SHANK2: variants seen among roughly 807,000 people sequenced by gnomAD.
SHANK2 encodes the protein SH3 and multiple ankyrin repeat domains protein 2.
In SHANK2, 43 loss-of-function variants were observed where a neutral mutation model predicts 133.7. That is an observed-to-expected ratio of 0.32 (90% CI 0.25 to 0.41). SHANK2 has a LOEUF of 0.41. Among genes scored for constraint, SHANK2 ranks in the 10% least tolerant of loss-of-function variants. The pLI is 1.00. For missense variants in SHANK2, 1,994 were observed against 2,235.8 expected, an observed-to-expected ratio of 0.89 and a Z score of 2.18; for synonymous variants, 1,017 against 952.8, an observed-to-expected ratio of 1.07 and a Z score of -1.24.
At chr11:71,158,013 C>A (rs1482018194) in intron 2 of SHANK2, among the ~76,000 whole-genome samples, 6 of 152,168 alleles carry the variant, frequency 3.9e-5, no homozygotes, top group Non-Finnish European at 5.9e-5. Flanking sequence ...ACACAAACCA[C>A]CCCTAGTCAT....
At chr11:70,719,203 C>A (rs1248649828) in intron 14 of SHANK2, among the ~76,000 whole-genome samples, 2 of 152,192 alleles carry the variant, frequency 1.3e-5, no homozygotes, top group East Asian at 1.9e-4. Flanking sequence ...AGCCCACCCA[C>A]GTTGGAATAG....
rs150717750 is a variant in SHANK2, at chr11:70,867,746, T to G, written c.1174+28755A>C. On this transcript the variant is annotated intron_variant, in intron 11 of 25. Coordinates refer to ENST00000601538, the MANE Select transcript of SHANK2 (RefSeq NM_012309.5). The stretch of plus-strand genomic sequence containing the variant: ...CAGAGTCATTATTCTGTGACAATAT[T>G]CCACTGCTGACCTTTATTGCCTAGG... Among the ~76,000 whole-genome samples the G allele has an allele frequency of 1.3e-3, 204 of 152,336 alleles. 4 individuals carry two copies. Among genetic ancestry groups the G allele is most frequent in the African/African-American group, 4.8e-3 (199 of 41,574 alleles).
intron 2 of SHANK2, among the ~76,000 whole-genome samples, chr11:71,192,879 G>A (rs1033578693): frequency 1.2e-4 from 18 of 152,200 alleles, no homozygotes; most frequent in African/African-American, 2.7e-4. Flanking sequence ...CGCAGGCAGG[G>A]TGCTTGAGGA....
At chr11:70,723,098 A>T (rs1419664101) in intron 14 of SHANK2, among the ~76,000 whole-genome samples, 1 of 152,002 alleles carries the variant, frequency 6.6e-6, no homozygotes, top group Non-Finnish European at 1.5e-5. Context: ...TGGTAGACAA[A>T]CTCATAAGGT....
In SHANK2 at chr11:70,486,126, G is replaced by GAATGGC. The variant is rs756656381; in HGVS notation, c.4161_4166dup (p.Leu1387_Pro1388dup). Reference sequence around the variant, plus strand: ...ATGCCAGAGGGGGAGGAGGGATGCGGAATGGCAAAATCACCGCCTCTTCCA... The same window carrying GAATGGC: ...ATGCCAGAGGGGGAGGAGGGATGCGGAATGGCAATGGCAAAATCACCGCCTCTTCCA... On this transcript the variant is annotated inframe_insertion, in exon 25 of 26. Coordinates refer to ENST00000601538, the MANE Select transcript of SHANK2 (RefSeq NM_012309.5). This position sits in a 1 kb window ranked among gnomAD's most constrained non-coding sequence, Gnocchi z 8.0. The GAATGGC allele has an allele frequency of 1.6e-3, 2,600 of 1,614,024 alleles. 2 individuals carry two copies. Among genetic ancestry groups the GAATGGC allele is most frequent in the Non-Finnish European group, 1.9e-3 (2,248 of 1,179,994 alleles).
At chr11:70,953,971 A>ATG (rs1367902299) in intron 10 of SHANK2, among the ~76,000 whole-genome samples, 7 of 152,026 alleles carry the variant, frequency 4.6e-5, no homozygotes, top group East Asian at 1.9e-4. Flanking sequence ...CCGTGTGTGT[A>ATG]TGTGTGTGTG....
intron 15 of SHANK2, 118 bp downstream of exon 15, chr11:70,698,570 G>A: frequency 1.4e-6 from 1 of 701,654 alleles, no homozygotes; most frequent in Non-Finnish European, 2.6e-6. Context: ...CCGGTAACAG[G>A]CACAGGGAGG....
In SHANK2 at chr11:70,468,912, TC is replaced by T. The variant is rs2058564986; in HGVS notation, c.*3956del. The T allele has an allele frequency of 6.6e-6, 1 of 152,252 alleles. No individual in the cohort carries two copies. The highest frequency in any genetic ancestry group is 1.5e-5 in the Non-Finnish European group (1 of 68,042). 9.4% of individuals were successfully genotyped at this position (152,252 alleles called of 1,614,324 possible). On this transcript the variant is annotated 3_prime_UTR_variant, in exon 26 of 26. Coordinates refer to ENST00000601538, the MANE Select transcript of SHANK2 (RefSeq NM_012309.5). ...TAAAGCGGAGGGATGGCCCATGTCTTCCTGGCTTAGTTCTTTGCCAATAGAC... is the reference window on the plus strand; with the variant it reads ...TAAAGCGGAGGGATGGCCCATGTCTTCTGGCTTAGTTCTTTGCCAATAGAC...
intron 8 of SHANK2, among the ~76,000 whole-genome samples, chr11:71,090,190 G>GTA (rs1951483030): frequency 1.4e-5 from 2 of 146,764 alleles, no homozygotes; most frequent in Non-Finnish European, 3.0e-5. Flanking sequence ...GTGTGTGTGT[G>GTA]TGTGTGTGTA....
intron 12 of SHANK2, among the ~76,000 whole-genome samples, chr11:70,812,172 A>C (rs1251233772): frequency 6.6e-6 from 1 of 152,268 alleles, no homozygotes; most frequent in African/African-American, 2.4e-5. Context: ...GTCAAAGTGA[A>C]CACAGCTCCA....
chr11:70,553,686 T>G (rs557227305), intron 17 of SHANK2, among the ~76,000 whole-genome samples: 21 of 152,276 alleles, frequency 1.4e-4, no homozygotes, highest in African/African-American at 5.1e-4. Flanking sequence ...GCAAGACGCT[T>G]CTCCTCTCTG....
intron 14 of SHANK2, among the ~76,000 whole-genome samples, chr11:70,742,139 AG>A (rs1352589221): frequency 6.6e-6 from 1 of 152,214 alleles, no homozygotes; most frequent in East Asian, 1.9e-4. Context: ...CAAACCCTGG[AG>A]GCCACTGCCC....
At position 70,479,703 on chromosome 11, in the gene SHANK2, C is replaced by T. The variant is rs1265321298; in HGVS notation, c.4979+5611G>A. On this transcript the variant is annotated intron_variant, in intron 25 of 25. Transcript: ENST00000601538. This position sits in a 1 kb window ranked among gnomAD's most constrained non-coding sequence, Gnocchi z 4.4. ...AGCACACACTCACTGCTCTGTTGCC[C>T]CCACATACAGAGCAAATGTGAAGCT... 6.6e-6 allele frequency among the ~76,000 whole-genome samples: 1 copy of T among 152,242 alleles called. No individual in the cohort carries two copies. The highest frequency in any genetic ancestry group is 1.5e-5 in the Non-Finnish European group (1 of 68,036).
intron 17 of SHANK2, among the ~76,000 whole-genome samples, chr11:70,546,039 G>T (rs7102402): frequency 0.55 from 83,864 of 151,390 alleles, 23,727 homozygotes; most frequent in Middle Eastern, 0.65. Context: ...CACCCCCTTG[G>T]GTACCACCAG....
At chr11:71,248,289 G>A (rs573784250) in intron 1 of SHANK2, among the ~76,000 whole-genome samples, 4 of 152,372 alleles carry the variant, frequency 2.6e-5, no homozygotes, top group South Asian at 2.1e-4. Flanking sequence ...AATGGAAAAC[G>A]TGGGGCACAT....
chr11:71,094,814 G>T, intron 6 of SHANK2, 126 bp from the exon 7 acceptor site: 1 of 1,062,698 alleles, frequency 9.4e-7, no homozygotes, highest in Non-Finnish European at 1.3e-6. Flanking sequence ...GGTGTTTACA[G>T]CTCCCACCAC....
intron 1 of SHANK2, among the ~76,000 whole-genome samples, chr11:71,236,799 G>C (rs1326791053): frequency 6.6e-6 from 1 of 152,216 alleles, no homozygotes. Context: ...CTGGTTGATA[G>C]AGCGAGACTC....
At chr11:71,151,944 G>A (rs1465882754) in intron 2 of SHANK2, among the ~76,000 whole-genome samples, 2 of 152,194 alleles carry the variant, frequency 1.3e-5, no homozygotes, top group African/African-American at 4.8e-5. Flanking sequence ...GCACGAAGGG[G>A]GCGATGCTGG....
At chr11:71,158,026 C>T (rs1322815198) in intron 2 of SHANK2, among the ~76,000 whole-genome samples, 1 of 152,148 alleles carries the variant, frequency 6.6e-6, no homozygotes, top group Admixed American at 6.5e-5. Flanking sequence ...CTAGTCATGA[C>T]CAAAGTCTTG....
Sources: gnomAD v4.1 joint callset for allele counts (sites outside exome capture counted in the v4.1 genomes callset) on GRCh38, gnomAD v4.1.1 for gene constraint, Gnocchi (gnomAD v3.1) non-coding constraint, MANE v1.5 for transcripts, NCBI Gene and HGNC (gene_info 2026-07-23, HGNC 2026-07-21) for gene names.